Variants in ALPK2 observed in about 807,000 individuals in gnomAD.
ALPK2 encodes alpha kinase 2.
A neutral mutation model predicts 163.1 loss-of-function variants in ALPK2; 127 were observed. That is an observed-to-expected ratio of 0.78 (90% CI 0.67 to 0.90). The LOEUF (loss-of-function observed/expected upper bound fraction) is 0.90. Ranked by LOEUF, ALPK2 falls within the 40% of genes least tolerant of loss-of-function variation. The pLI, the probability that ALPK2 is intolerant of heterozygous loss-of-function variation, is 0.00. For synonymous variants in ALPK2, 953 were observed against 959.1 expected, an observed-to-expected ratio of 0.99 and a Z score of 0.12; for missense variants, 2,360 against 2,589.6, an observed-to-expected ratio of 0.91 and a Z score of 1.92.
chr18:58,605,829 T>C (rs995135005), intron 3 of ALPK2, among the ~76,000 whole-genome samples: 2 of 152,234 alleles, frequency 1.3e-5, no homozygotes, highest in African/African-American at 4.8e-5. Flanking sequence ...AAGAATGGCT[T>C]TCTTTGTTCA....
intron 1 of ALPK2, among the ~76,000 whole-genome samples, chr18:58,617,893 A>C (rs972914725): frequency 1.3e-5 from 2 of 152,176 alleles, no homozygotes; most frequent in African/African-American, 4.8e-5. Context: ...CACTTAACCC[A>C]TCTGCTCTTG....
chr18:58,574,438 CAAA>C (rs34107333), intron 4 of ALPK2, among the ~76,000 whole-genome samples: 6 of 49,408 alleles, frequency 1.2e-4, no homozygotes, highest in Admixed American at 2.4e-4. Flanking sequence ...GACTCCATCT[CAAA>C]AAAAAAAAAA....
intron 5 of ALPK2, among the ~76,000 whole-genome samples, chr18:58,531,255 C>T (rs189283712): frequency 2.6e-4 from 39 of 152,100 alleles, no homozygotes; most frequent in Admixed American, 2.0e-3. Context: ...TTATAATGAT[C>T]CAAGTCACTG....
chr18:58,608,278 T>C (rs1602238414), intron 2 of ALPK2, among the ~76,000 whole-genome samples: 1 of 152,234 alleles, frequency 6.6e-6, no homozygotes, highest in African/African-American at 2.4e-5. Context: ...ACTGATGCTA[T>C]GCATATGTTA....
Position 58,535,272 on chromosome 18 carries a change from C to T in ALPK2, c.4915G>A (p.Glu1639Lys). The change falls in exon 5 of 13, where the codon GAA becomes AAA. Residue 1639 changes from glutamate (E) to lysine (K), a missense_variant. Glu to Lys is a moderately conservative substitution (Grantham distance 56). Transcript: ENST00000361673. Reference protein sequence around the residue: ...EPKIEVLQIGETKPPSSSSSS... With the variant: ...EPKIEVLQIGKTKPPSSSSSS... Reference sequence around the variant, plus strand: ...CTAGATGAGCTTGGGGGTTTGGTTTCCCCAATTTGAAGCACCTCTATTTTA... The same window carrying T: ...CTAGATGAGCTTGGGGGTTTGGTTTTCCCAATTTGAAGCACCTCTATTTTA... 6.2e-7 allele frequency: 1 copy of T among 1,614,092 alleles called. No individual in the cohort carries two copies. The highest frequency in any genetic ancestry group is 1.1e-5 in the South Asian group (1 of 91,074).
At chr18:58,553,609 C>T (rs998581090) in intron 4 of ALPK2, among the ~76,000 whole-genome samples, 3 of 152,100 alleles carry the variant, frequency 2.0e-5, no homozygotes, top group African/African-American at 7.2e-5. Flanking sequence ...CGGTTTCTCC[C>T]AAGCTGTTCT....
intron 1 of ALPK2, among the ~76,000 whole-genome samples, chr18:58,627,018 G>C (rs2052234255): frequency 6.6e-6 from 1 of 152,124 alleles, no homozygotes; most frequent in Admixed American, 6.5e-5. Flanking sequence ...ATACTGTTAA[G>C]ATTTTACAGA....
chr18:58,602,589 C>T (rs915481363), intron 3 of ALPK2, among the ~76,000 whole-genome samples: 1 of 152,158 alleles, frequency 6.6e-6, no homozygotes, highest in Non-Finnish European at 1.5e-5. Context: ...CTCTGTGGCT[C>T]TGTTTTCCCT....
chr18:58,548,634 T>G (rs1445976763), intron 4 of ALPK2, among the ~76,000 whole-genome samples: 1 of 152,138 alleles, frequency 6.6e-6, no homozygotes. Flanking sequence ...CTTGGTTTCT[T>G]GATTGGCAGA....
In ALPK2 at chr18:58,517,169, A is replaced by AGG; in HGVS notation, c.5678_5679insCC (p.Glu1894LeufsTer46). On this transcript the variant is annotated frameshift_variant, in exon 9 of 13. Transcript: ENST00000361673. ...CTTTGAAGATGAGTTGGCTGAATTC[A>AGG]ATCTCTTCACATCCTGAAACACAGC... The AGG allele has an allele frequency of 6.2e-7, 1 of 1,613,992 alleles. No individual in the cohort carries two copies. Among genetic ancestry groups the AGG allele is most frequent in the Admixed American group, 1.7e-5 (1 of 60,020 alleles).
intron 10 of ALPK2, among the ~76,000 whole-genome samples, 157 bp from the exon 11 acceptor site, chr18:58,504,305 G>C (rs1183657301): frequency 6.6e-6 from 1 of 152,180 alleles, no homozygotes; most frequent in African/African-American, 2.4e-5. Flanking sequence ...TTTTTAGTGG[G>C]TAAGATATGT....
At chr18:58,625,430 C>T (rs943261613) in intron 1 of ALPK2, among the ~76,000 whole-genome samples, 3 of 152,152 alleles carry the variant, frequency 2.0e-5, no homozygotes, top group Admixed American at 6.5e-5. Flanking sequence ...AACTGCAGGC[C>T]GAAGAAATGG....
intron 3 of ALPK2, among the ~76,000 whole-genome samples, chr18:58,603,011 G>T (rs2052079082): frequency 6.6e-6 from 1 of 152,154 alleles, no homozygotes; most frequent in African/African-American, 2.4e-5. Context: ...TCAGTTCCAG[G>T]AAATCTCTGC....
chr18:58,507,883 C>T (rs2051469706), intron 10 of ALPK2, among the ~76,000 whole-genome samples: 1 of 152,186 alleles, frequency 6.6e-6, no homozygotes, highest in African/African-American at 2.4e-5. Context: ...ATCAGACCAC[C>T]TTTGTAAAAC....
chr18:58,563,659 T>G (rs1418461312), intron 4 of ALPK2, among the ~76,000 whole-genome samples: 1 of 152,242 alleles, frequency 6.6e-6, no homozygotes, highest in Non-Finnish European at 1.5e-5. Context: ...GTAAATTGTT[T>G]CCAAGCATTT....
At chr18:58,614,545 C>T (rs1378791247) in intron 1 of ALPK2, among the ~76,000 whole-genome samples, 5 of 152,162 alleles carry the variant, frequency 3.3e-5, no homozygotes, top group African/African-American at 1.2e-4. Context: ...TAAATACCTC[C>T]ATTCCAGATT....
intron 12 of ALPK2, among the ~76,000 whole-genome samples, chr18:58,488,800 A>G (rs2051354882): frequency 6.6e-6 from 1 of 151,982 alleles, no homozygotes; most frequent in African/African-American, 2.4e-5. Flanking sequence ...TGTGTGTGTA[A>G]AATAAAGCCA....
chr18:58,482,039 C>G lies in ALPK2; in HGVS notation c.6297G>C (p.Gly2099=). ...AACAGTTGCCTTTAAATCCCTTGTA[C>G]CTGTGAGTTTGGGTGGAAGGAAACA... ...TDVGIATLAK[G]YKGFKGNCSM... The change falls in exon 13 of 13, where the codon GGG becomes GGC. Residue 2099 remains glycine, a splice_region_variant and synonymous_variant. Coordinates refer to ENST00000361673, the MANE Select transcript of ALPK2 (RefSeq NM_052947.4). 6.2e-7 allele frequency: 1 copy of G among 1,611,512 alleles called. No individual in the cohort carries two copies.
Position 58,579,045 on chromosome 18 carries a change from C to A in ALPK2, c.1731G>T (p.Gln577His). 3 of 1,614,226 alleles carry A rather than the reference C, an allele frequency of 1.9e-6. No individual in the cohort carries two copies. The highest frequency in any genetic ancestry group is 2.5e-6 in the Non-Finnish European group (3 of 1,180,040). Residue 577 changes from glutamine to histidine, a missense_variant, in exon 4 of 13, where the codon CAG (glutamine) becomes CAT (histidine). Coordinates refer to ENST00000361673, the MANE Select transcript of ALPK2 (RefSeq NM_052947.4). ...TGTGAGAAGTCTCTCTTTTATCACT[C>A]TGGGTTAGTGGGGGCTCAGCAGATT... ...AKESAEPPLT[Q>H]SDKRETSHTT...
Sources: allele counts gnomAD v4.1 joint callset (sites outside exome capture counted in the v4.1 genomes callset), GRCh38; gene constraint gnomAD v4.1.1; transcripts MANE v1.5; gene names NCBI Gene and HGNC (gene_info 2026-07-23, HGNC 2026-07-21).